The following PIWIL1 variants were observed in gnomAD, a reference collection of about 807,000 sequenced individuals.
PIWIL1 encodes the protein piwi like RNA-mediated gene silencing 1, also known as piwi-like protein 1.
In PIWIL1, 73 loss-of-function variants were observed where a neutral mutation model predicts 114.4. That is an observed-to-expected ratio of 0.64 (90% CI 0.53 to 0.78). The LOEUF (loss-of-function observed/expected upper bound fraction) is 0.78. Ranked by LOEUF, PIWIL1 falls within the 30% of genes least tolerant of loss-of-function variation. The pLI is 0.00. For missense variants in PIWIL1, 723 were observed against 1,063.1 expected, an observed-to-expected ratio of 0.68 and a Z score of 4.45; for synonymous variants, 375 against 369.0, an observed-to-expected ratio of 1.02 and a Z score of -0.19.
the PIWIL1 span, among the ~76,000 whole-genome samples, chr12:130,393,455 T>C: frequency 0.27 from 17,808 of 65,616 alleles, 1,211 homozygotes; most frequent in African/African-American, 0.41. Context: ...ACCCGGTCAC[T>C]GTCATCACGT....
intron 6 of PIWIL1, among the ~76,000 whole-genome samples, chr12:130,347,589 C>T (rs191101626): frequency 1.2e-3 from 181 of 152,254 alleles, no homozygotes; most frequent in Non-Finnish European, 2.0e-3. Context: ...TGTAATTTCC[C>T]TCTTTAAGTT....
chr12:130,378,749 G>A, the PIWIL1 span, among the ~76,000 whole-genome samples: 3 of 152,092 alleles, frequency 2.0e-5, no homozygotes, highest in East Asian at 1.9e-4. Flanking sequence ...CATGTTGGCC[G>A]TTCTTACATC....
intron 9 of PIWIL1, among the ~76,000 whole-genome samples, chr12:130,352,953 T>A (rs916909306): frequency 6.6e-6 from 1 of 152,214 alleles, no homozygotes; most frequent in Non-Finnish European, 1.5e-5. Flanking sequence ...CAGATGTGAG[T>A]GTTCTACTTA....
chr12:130,370,528 A>T (rs2073790184), intron 19 of PIWIL1, among the ~76,000 whole-genome samples: 1 of 152,166 alleles, frequency 6.6e-6, no homozygotes, highest in Non-Finnish European at 1.5e-5. Context: ...TATATTAGGG[A>T]CCTGGGCATC....
chr12:130,373,867 G>A (rs139408715), downstream of PIWIL1, among the ~76,000 whole-genome samples: 405 of 152,228 alleles, frequency 2.7e-3, 1 homozygote, highest in African/African-American at 9.3e-3. Context: ...ATTCACTGCC[G>A]CACTCACAAA....
At chr12:130,343,684 G>A (rs376698295) in intron 3 of PIWIL1, among the ~76,000 whole-genome samples, 61 of 144,778 alleles carry the variant, frequency 4.2e-4, no homozygotes, top group African/African-American at 1.5e-3. Flanking sequence ...GGAGTGCAGT[G>A]GCGCGATCTC....
intron 9 of PIWIL1, among the ~76,000 whole-genome samples, chr12:130,353,264 T>C (rs534830733): frequency 2.1e-5 from 3 of 143,642 alleles, no homozygotes; most frequent in African/African-American, 7.4e-5. Flanking sequence ...GTATGCTCAG[T>C]GGAGGTGTGT....
chr12:130,339,652 A>G (rs1433067364), intron 1 of PIWIL1: 1 of 152,196 alleles, frequency 6.6e-6, no homozygotes, highest in African/African-American at 2.4e-5. Flanking sequence ...TAAAGCTGAA[A>G]ACCAGAGTTG....
chr12:130,369,602 G>A (rs2073764093), intron 19 of PIWIL1, among the ~76,000 whole-genome samples: 1 of 152,116 alleles, frequency 6.6e-6, no homozygotes, highest in African/African-American at 2.4e-5. Flanking sequence ...GTGTGAGATG[G>A]TATTTCATTG....
chr12:130,423,148 C>T, the PIWIL1 span, among the ~76,000 whole-genome samples: 1 of 152,220 alleles, frequency 6.6e-6, no homozygotes, highest in East Asian at 1.9e-4. Context: ...TCTAAATTCA[C>T]CTTTAGATCA....
At position 130,349,336 on chromosome 12, in the gene PIWIL1, A is replaced by G; in HGVS notation, c.832A>G (p.Thr278Ala). The stretch of plus-strand genomic sequence containing the variant: ...TAGCCATAAAGTCCTTCGAAGTGAG[A>G]CTGTTTTGGATTTCATGTTCAACTT... ...DVSHKVLRSE[T>A]VLDFMFNFYH... The change falls in exon 8 of 21, where the codon ACT becomes GCT. Residue 278 changes from threonine to alanine, a missense_variant. Thr to Ala is a moderately conservative substitution (Grantham distance 58, BLOSUM62 0). This residue lies in a region of PIWIL1 where 190 missense variants were observed against 294.4 expected (regional missense o/e 0.65). Transcript: ENST00000245255. 3.7e-6 allele frequency: 6 copies of G among 1,613,804 alleles called. No individual in the cohort carries two copies. The highest frequency in any genetic ancestry group is 5.1e-6 in the Non-Finnish European group (6 of 1,179,698).
chr12:130,375,504 T>C (rs1436790322), downstream of PIWIL1, among the ~76,000 whole-genome samples: 1 of 152,220 alleles, frequency 6.6e-6, no homozygotes, highest in East Asian at 1.9e-4. Context: ...GCGTTTGCTC[T>C]GCAGCCCGGT....
intron 7 of PIWIL1, 144 bp from the exon 8 acceptor site, chr12:130,349,095 A>T: frequency 1.7e-6 from 1 of 586,334 alleles, no homozygotes; most frequent in Non-Finnish European, 3.1e-6. Flanking sequence ...AGCTGGAACC[A>T]TGTAAATCCT....
chr12:130,421,689 ATATGTGTG>A, the PIWIL1 span, among the ~76,000 whole-genome samples: 1 of 106,954 alleles, frequency 9.3e-6, no homozygotes, highest in Non-Finnish European at 1.7e-5. Flanking sequence ...CCCTGCATTT[ATATGTGTG>A]TGTGTGTGTG....
intron 3 of PIWIL1, 66 bp from the exon 4 acceptor site, chr12:130,345,687 G>A (rs1226264385): frequency 6.5e-7 from 1 of 1,541,234 alleles, no homozygotes; most frequent in Non-Finnish European, 9.0e-7. Flanking sequence ...ATAGCACTAT[G>A]GGAGTTAATA....
At chr12:130,424,499 CCCA>C in the PIWIL1 span, 6 of 1,232,086 alleles carry the variant, frequency 4.9e-6, no homozygotes, top group Non-Finnish European at 5.1e-6. The surrounding 1 kb of genome is among the most constrained non-coding windows in gnomAD (Gnocchi z 9.8). Flanking sequence ...CCTCTTCACT[CCCA>C]CAGTCCAGGC....
In PIWIL1 at chr12:130,355,677, T is replaced by C; in HGVS notation, c.1404+10T>C. The C allele has an allele frequency of 6.4e-7, 1 of 1,571,214 alleles. No individual in the cohort carries two copies. Among genetic ancestry groups the C allele is most frequent in the Non-Finnish European group, 8.8e-7 (1 of 1,140,826 alleles). On this transcript the variant is annotated intron_variant, in intron 12 of 20. Coordinates refer to ENST00000245255, the MANE Select transcript of PIWIL1 (RefSeq NM_004764.5). The stretch of plus-strand genomic sequence containing the variant: ...CCAAGGTGGAAAAACAGTAAGGCAG[T>C]TTTTCGTTGGTGTTGTTGTTGTTTT...
chr12:130,363,172 C>G, intron 18 of PIWIL1, 28 bp downstream of exon 18: 1 of 1,606,150 alleles, frequency 6.2e-7, no homozygotes, highest in Non-Finnish European at 8.5e-7. Context: ...AAAGCATTTT[C>G]TTTTTATAAA....
Position 130,348,128 on chromosome 12 carries a change from C to G in PIWIL1, c.679C>G (p.Gln227Glu), listed in dbSNP as rs2073118611. ...GCTTTTGAAAATCATGAATTTGCAA[C>G]AAATTGGACGAAATTATTATAACCC... Reference protein sequence around the residue: ...RRLLKIMNLQQIGRNYYNPND... With the variant: ...RRLLKIMNLQEIGRNYYNPND... The change falls in exon 7 of 21, where the codon CAA becomes GAA. Residue 227 changes from glutamine (Q) to glutamate (E), a missense_variant. Gln to Glu is a conservative substitution (Grantham distance 29). This residue lies in a region of PIWIL1 where 190 missense variants were observed against 294.4 expected (regional missense o/e 0.65). Coordinates refer to ENST00000245255, the MANE Select transcript of PIWIL1 (RefSeq NM_004764.5). 4 of 1,608,256 alleles carry G rather than the reference C, an allele frequency of 2.5e-6. No homozygotes were observed. The highest frequency in any genetic ancestry group is 3.4e-6 in the Non-Finnish European group (4 of 1,175,390).
Sources: allele counts gnomAD v4.1 joint callset (sites outside exome capture counted in the v4.1 genomes callset), GRCh38; gene constraint gnomAD v4.1.1; regional missense constraint gnomAD v4.1.1; non-coding constraint Gnocchi (gnomAD v3.1); transcripts MANE v1.5; gene names NCBI Gene and HGNC (gene_info 2026-07-23, HGNC 2026-07-21).